Variants in DHRSX observed in about 807,000 individuals in gnomAD.
DHRSX encodes polyprenol dehydrogenase.
DHRSX carries 31 observed loss-of-function variants against 34.0 expected under a neutral mutation model. The ratio of observed to expected loss-of-function variants is 0.91; its 90% CI spans 0.69 to 1.23. DHRSX has a LOEUF of 1.23. Ranked by LOEUF, DHRSX falls within the 50% of genes most tolerant of loss-of-function variation. The pLI is 0.00. For missense variants in DHRSX, 414 were observed against 428.1 expected (o/e 0.97, Z 0.29); for synonymous variants, 201 against 183.8 (o/e 1.09, Z -0.76).
At chrX:2,319,505 T>C (rs1602936246) in intron 3 of DHRSX, among the ~76,000 whole-genome samples, 1 of 139,594 alleles carries the variant, frequency 7.2e-6, no homozygotes. Context: ...ATCGTGCCAC[T>C]GCACTCCAGC....
At chrX:2,472,553 T>C (rs1388309364) in intron 1 of DHRSX, among the ~76,000 whole-genome samples, 1 of 152,072 alleles carries the variant, frequency 6.6e-6, no homozygotes. Context: ...GTGGATCACT[T>C]GAGGCCAGGA....
intron 6 of DHRSX, among the ~76,000 whole-genome samples, chrX:2,222,490 A>T (rs2015543304): frequency 6.6e-6 from 1 of 152,230 alleles, no homozygotes; most frequent in African/African-American, 2.4e-5. Flanking sequence ...CCTCCTTGTT[A>T]CAGAACCAGG....
At chrX:2,392,071 C>T (rs186074446) in intron 3 of DHRSX, among the ~76,000 whole-genome samples, 34 of 152,248 alleles carry the variant, frequency 2.2e-4, no homozygotes, top group African/African-American at 7.7e-4. Context: ...GGAGGGAAAA[C>T]GCTGTCGTTC....
intron 1 of DHRSX, among the ~76,000 whole-genome samples, chrX:2,439,234 A>G (rs1385421573): frequency 6.6e-6 from 1 of 152,142 alleles, no homozygotes; most frequent in Non-Finnish European, 1.5e-5. Flanking sequence ...AAAATTTAAG[A>G]GGTCATTCAT....
intron 4 of DHRSX, among the ~76,000 whole-genome samples, chrX:2,270,125 C>G (rs983556188): frequency 2.0e-5 from 3 of 152,066 alleles, no homozygotes; most frequent in African/African-American, 7.2e-5. Flanking sequence ...ACTGTAATAT[C>G]TGTATGTTAT....
At chrX:2,453,929 AAT>A (rs2124679256) in intron 1 of DHRSX, among the ~76,000 whole-genome samples, 1 of 152,266 alleles carries the variant, frequency 6.6e-6, no homozygotes, top group Admixed American at 6.5e-5. Flanking sequence ...GCTTTATTTT[AAT>A]ATGTTAATTA....
intron 4 of DHRSX, among the ~76,000 whole-genome samples, chrX:2,269,038 T>A (rs2041513052): frequency 6.6e-6 from 1 of 152,262 alleles, no homozygotes; most frequent in Admixed American, 6.5e-5. Context: ...TATTTGTAGA[T>A]CTATTTCTGT....
intron 1 of DHRSX, among the ~76,000 whole-genome samples, chrX:2,469,419 C>T (rs920855491): frequency 6.9e-6 from 1 of 145,192 alleles, no homozygotes; most frequent in African/African-American, 2.6e-5. Context: ...TGCAGCCAAG[C>T]GACGGCACTG....
chrX:2,277,144 A>G (rs866780053), intron 4 of DHRSX, among the ~76,000 whole-genome samples: 8 of 5,972 alleles, frequency 1.3e-3, no homozygotes, highest in East Asian at 2.4e-3. Flanking sequence ...GAGAAGGAAG[A>G]GGAGGAAATA....
chrX:2,258,289 G>A (rs1217571102), intron 5 of DHRSX, among the ~76,000 whole-genome samples: 1 of 152,126 alleles, frequency 6.6e-6, no homozygotes, highest in Non-Finnish European at 1.5e-5. Context: ...GGACGACCCT[G>A]TGAGGACACA....
intron 3 of DHRSX, among the ~76,000 whole-genome samples, chrX:2,406,856 G>T (rs1390709039): frequency 1.3e-5 from 2 of 152,168 alleles, no homozygotes; most frequent in African/African-American, 4.8e-5. Context: ...AAACAGTACA[G>T]AAGTTCCTCA....
chrX:2,271,813 G>A (rs1239958516), intron 4 of DHRSX, among the ~76,000 whole-genome samples: 5 of 152,104 alleles, frequency 3.3e-5, no homozygotes, highest in Admixed American at 1.3e-4. Context: ...AGGGCGAAGC[G>A]GGCAGATCAG....
intron 1 of DHRSX, among the ~76,000 whole-genome samples, chrX:2,469,969 T>C (rs1199973257): frequency 6.6e-6 from 1 of 152,054 alleles, no homozygotes; most frequent in East Asian, 1.9e-4. Flanking sequence ...CCTGCAGCAC[T>C]ACTCAGGTTC....
intron 3 of DHRSX, among the ~76,000 whole-genome samples, chrX:2,380,909 G>C (rs975092503): frequency 6.6e-6 from 1 of 152,180 alleles, no homozygotes; most frequent in African/African-American, 2.4e-5. Flanking sequence ...ACAGTCGCCA[G>C]GCTGGAGTGC....
intron 3 of DHRSX, among the ~76,000 whole-genome samples, chrX:2,330,620 G>A (rs904846800): frequency 6.7e-6 from 1 of 150,372 alleles, no homozygotes; most frequent in Non-Finnish European, 1.5e-5. Context: ...GGAGAAGGAG[G>A]AGGAGAGAAA....
intron 2 of DHRSX, among the ~76,000 whole-genome samples, chrX:2,409,323 G>A (rs989907462): frequency 1.2e-4 from 19 of 152,060 alleles, no homozygotes; most frequent in Admixed American, 8.5e-4. Context: ...TGTGCGGAAT[G>A]TGCAGGTTGG....
chrX:2,485,690 C>G (rs762890563), intron 1 of DHRSX, among the ~76,000 whole-genome samples: 3 of 48,154 alleles, frequency 6.2e-5, no homozygotes, highest in African/African-American at 2.6e-4. Context: ...GAAAGGGAGG[C>G]AGAGAGGGAG....
intron 1 of DHRSX, among the ~76,000 whole-genome samples, chrX:2,425,963 T>C (rs1017288895): frequency 3.9e-5 from 6 of 152,138 alleles, no homozygotes; most frequent in Non-Finnish European, 2.9e-5. Context: ...GGGCTGTCCC[T>C]GACTCTCTGG....
At position 2,414,745 on chromosome X, in the gene DHRSX, G is replaced by A. The variant is rs189346599; in HGVS notation, c.218-5932C>T. ...ACAAATTACATCTCATTATGACAAC[G>A]AACTAGATCTTATCATAACCTAACA... On this transcript the variant is annotated intron_variant, in intron 2 of 6. Coordinates refer to ENST00000334651, the MANE Select transcript of DHRSX (RefSeq NM_145177.3). Among the ~76,000 whole-genome samples, 717 of 150,910 alleles carry A rather than the reference G, an allele frequency of 4.8e-3. 4 individuals are homozygous for A. The highest frequency in any genetic ancestry group is 5.1e-3 in the Non-Finnish European group (347 of 67,762).
Sources: gnomAD v4.1 joint callset for allele counts (sites outside exome capture counted in the v4.1 genomes callset) on GRCh38, gnomAD v4.1.1 for gene constraint, MANE v1.5 for transcripts, NCBI Gene and HGNC (gene_info 2026-07-23, HGNC 2026-07-21) for gene names.